AP3B1: variants seen among roughly 807,000 people sequenced by gnomAD.
AP3B1 encodes the protein AP-3 complex subunit beta-1.
Under a neutral mutation model 132.5 loss-of-function variants are expected in AP3B1, and 61 were observed. That is an observed-to-expected ratio of 0.46 (90% CI 0.37 to 0.57). The LOEUF (loss-of-function observed/expected upper bound fraction) is 0.57. Among genes scored for constraint, AP3B1 ranks in the 20% least tolerant of loss-of-function variants. AP3B1 has a pLI of 0.00. For synonymous variants in AP3B1, 388 were observed against 438.3 expected (o/e 0.89, Z 1.43); for missense variants, 1,120 against 1,289.4 (o/e 0.87, Z 2.01).
intron 14 of AP3B1, among the ~76,000 whole-genome samples, chr5:78,142,399 A>C (rs906624777): frequency 1.3e-5 from 2 of 152,222 alleles, no homozygotes; most frequent in Non-Finnish European, 2.9e-5. Flanking sequence ...ATAATAAGTG[A>C]AAAGGCTGAC....
chr5:78,061,134 G>GAAA (rs879781378), intron 22 of AP3B1, among the ~76,000 whole-genome samples: 1 of 118,260 alleles, frequency 8.5e-6, no homozygotes. Flanking sequence ...GTCAAACATA[G>GAAA]AAAAAAAAAA....
intron 6 of AP3B1, among the ~76,000 whole-genome samples, chr5:78,218,027 G>A (rs1299928490): frequency 6.6e-6 from 1 of 151,624 alleles, no homozygotes; most frequent in Non-Finnish European, 1.5e-5. Context: ...ACCTTCTAAG[G>A]TACTAACAAA....
In AP3B1 at chr5:78,210,374, G is replaced by A. The variant is rs183378639; in HGVS notation, c.786+5681C>T. The stretch of plus-strand genomic sequence containing the variant: ...TCAAAAAACTACATTTATAAATTTT[G>A]GATTTTGATAAGTTATTTTATGGCT... On this transcript the variant is annotated intron_variant, in intron 7 of 26. Transcript: ENST00000255194. Among the ~76,000 whole-genome samples, 10 of 152,064 alleles carry A rather than the reference G, an allele frequency of 6.6e-5. No homozygotes were observed. The East Asian group carries it at 1.5e-3, about 23-fold the overall frequency.
intron 7 of AP3B1, among the ~76,000 whole-genome samples, chr5:78,187,327 G>A (rs1260480333): frequency 6.6e-6 from 1 of 152,110 alleles, no homozygotes; most frequent in Non-Finnish European, 1.5e-5. Flanking sequence ...ACCTGAAAGT[G>A]ATACATAATG....
At chr5:78,170,086 T>G (rs1417019982) in intron 11 of AP3B1, among the ~76,000 whole-genome samples, 2 of 152,216 alleles carry the variant, frequency 1.3e-5, no homozygotes, top group African/African-American at 4.8e-5. Context: ...AGACATGAAC[T>G]CATCCTTTCT....
intron 2 of AP3B1, among the ~76,000 whole-genome samples, chr5:78,242,413 AT>A (rs33923471): frequency 0.37 from 54,869 of 149,744 alleles, 10,161 homozygotes; most frequent in African/African-American, 0.44. Context: ...TTCTTTCAGA[AT>A]TTTTTTTTTT....
intron 25 of AP3B1, among the ~76,000 whole-genome samples, chr5:78,016,503 T>C (rs1485103211): frequency 1.3e-5 from 2 of 152,034 alleles, no homozygotes; most frequent in Non-Finnish European, 2.9e-5. Context: ...AATAACTCTT[T>C]GAGATATTTG....
At chr5:78,135,917 T>A (rs1752890664) in intron 15 of AP3B1, among the ~76,000 whole-genome samples, 1 of 152,164 alleles carries the variant, frequency 6.6e-6, no homozygotes, top group South Asian at 2.1e-4. Flanking sequence ...GTCTTTCAAC[T>A]TTTTCCCCAC....
chr5:78,261,376 G>A (rs1460694435), intron 2 of AP3B1, among the ~76,000 whole-genome samples: 2 of 152,048 alleles, frequency 1.3e-5, no homozygotes, highest in African/African-American at 2.4e-5. Context: ...ATCTTTCTCT[G>A]TAATTATTTG....
Position 78,214,734 on chromosome 5 carries a change from C to T in AP3B1, c.786+1321G>A, listed in dbSNP as rs909551354. Among the ~76,000 whole-genome samples, 3 of 152,000 alleles carry T rather than the reference C, an allele frequency of 2.0e-5. 1 individual carries two copies. Among genetic ancestry groups the T allele is most frequent in the African/African-American group, 7.2e-5 (3 of 41,382 alleles). ...GGACATTTTCATCATAGAGATGTTC[C>T]TTAATCTAGCAAAAGTGCCATCAAA... On this transcript the variant is annotated intron_variant, in intron 7 of 26. Coordinates refer to ENST00000255194, the MANE Select transcript of AP3B1 (RefSeq NM_003664.5).
At chr5:78,186,757 G>A (rs1189367266) in intron 7 of AP3B1, among the ~76,000 whole-genome samples, 3 of 152,086 alleles carry the variant, frequency 2.0e-5, no homozygotes, top group Admixed American at 1.3e-4. Context: ...TAACAATAAA[G>A]AAAATTATCT....
At chr5:78,248,385 C>T (rs1393167348) in intron 2 of AP3B1, among the ~76,000 whole-genome samples, 1 of 149,294 alleles carries the variant, frequency 6.7e-6, no homozygotes, top group Non-Finnish European at 1.5e-5. Context: ...CCCAGCTACT[C>T]AGGAGGCTGA....
In AP3B1 at chr5:78,227,542, G is replaced by A. The variant is rs777253861; in HGVS notation, c.376-10C>T. 3.1e-6 allele frequency: 5 copies of A among 1,613,332 alleles called. No individual in the cohort carries two copies. In the South Asian group the frequency reaches 5.5e-5, roughly 18 times the overall value. ...TTAGTTGGTTTGGGTCCTAAAAATAGTGCAAAAATATTCACCAAAATTTCA... is the reference window on the plus strand; with the variant it reads ...TTAGTTGGTTTGGGTCCTAAAAATAATGCAAAAATATTCACCAAAATTTCA... On this transcript the variant is annotated splice_polypyrimidine_tract_variant and intron_variant, in intron 4 of 26. Coordinates refer to ENST00000255194, the MANE Select transcript of AP3B1 (RefSeq NM_003664.5).
intron 2 of AP3B1, among the ~76,000 whole-genome samples, chr5:78,259,217 C>T (rs1747977186): frequency 6.7e-6 from 1 of 148,716 alleles, no homozygotes; most frequent in African/African-American, 2.5e-5. Flanking sequence ...CACTGCACTC[C>T]AGACTGGTGA....
rs960865976 is a variant in AP3B1, at chr5:78,118,139, C to G, written c.1969-1905G>C. 4.6e-5 allele frequency among the ~76,000 whole-genome samples: 7 copies of G among 152,280 alleles called. No individual in the cohort carries two copies. The South Asian group carries it at 1.5e-3, about 32-fold the overall frequency. On this transcript the variant is annotated intron_variant, in intron 17 of 26. Coordinates refer to ENST00000255194, the MANE Select transcript of AP3B1 (RefSeq NM_003664.5). ...ATACCTAGATTCACCTCCTAAAATTCTGATTTAATTAGTCTGGTGCACATT... is the reference window on the plus strand; with the variant it reads ...ATACCTAGATTCACCTCCTAAAATTGTGATTTAATTAGTCTGGTGCACATT...
chr5:78,139,178 G>A (rs984138780), intron 15 of AP3B1, among the ~76,000 whole-genome samples: 8 of 151,952 alleles, frequency 5.3e-5, no homozygotes, highest in South Asian at 4.1e-4. Flanking sequence ...GCCAAAGAAA[G>A]AAGCTTTACT....
At chr5:78,176,064 A>G (rs1744136512) in intron 9 of AP3B1, among the ~76,000 whole-genome samples, 3 of 152,188 alleles carry the variant, frequency 2.0e-5, no homozygotes, top group Admixed American at 2.0e-4. Flanking sequence ...TAGTTAAAAC[A>G]AATTTTATAA....
At chr5:78,147,518 A>AT (rs1343387816) in intron 14 of AP3B1, among the ~76,000 whole-genome samples, 1 of 151,922 alleles carries the variant, frequency 6.6e-6, no homozygotes, top group Admixed American at 6.6e-5. Flanking sequence ...TTAAATACTT[A>AT]TTATTTATTT....
intron 1 of AP3B1, among the ~76,000 whole-genome samples, chr5:78,271,240 G>A (rs577674184): frequency 2.0e-5 from 3 of 152,190 alleles, no homozygotes; most frequent in East Asian, 3.9e-4. Context: ...TGACCAACAC[G>A]AAGAAACCCC....
Sources: gnomAD v4.1 joint callset for allele counts (sites outside exome capture counted in the v4.1 genomes callset) on GRCh38, gnomAD v4.1.1 for gene constraint, MANE v1.5 for transcripts, NCBI Gene and HGNC (gene_info 2026-07-23, HGNC 2026-07-21) for gene names.